Variants in TMEM268 observed in about 807,000 individuals in gnomAD.
TMEM268 encodes transmembrane protein C9orf91.
Under a neutral mutation model 39.1 loss-of-function variants are expected in TMEM268, and 24 were observed. The ratio of observed to expected loss-of-function variants is 0.61; its 90% CI spans 0.44 to 0.86. The LOEUF is 0.86. Ranked by LOEUF, TMEM268 falls within the 40% of genes least tolerant of loss-of-function variation. The pLI, the probability that TMEM268 is intolerant of heterozygous loss-of-function variation, is 0.00. For synonymous variants in TMEM268, 176 were observed against 173.5 expected (o/e 1.01, Z -0.12); for missense variants, 409 against 428.6 (o/e 0.95, Z 0.40).
chr9:114,622,649 ATGC>A (rs542505754), intron 2 of TMEM268: 293 of 254,742 alleles, frequency 1.2e-3, no homozygotes, highest in Middle Eastern at 6.1e-3. Context: ...GCCTGGGTTG[ATGC>A]GTGTTTTTTG....
At chr9:114,633,967 A>C in intron 6 of TMEM268, 89 bp downstream of exon 6, 1 of 704,710 alleles carries the variant, frequency 1.4e-6, no homozygotes, top group Non-Finnish European at 2.4e-6. Flanking sequence ...CCCAGCCTAC[A>C]CAGTGTTTGC....
chr9:114,623,144 G>A (rs1490673078), intron 2 of TMEM268, among the ~76,000 whole-genome samples: 1 of 151,974 alleles, frequency 6.6e-6, no homozygotes, highest in East Asian at 1.9e-4. Context: ...CCACAGATTT[G>A]TTATTTATTT....
intron 2 of TMEM268, among the ~76,000 whole-genome samples, chr9:114,621,271 G>T (rs1301057403): frequency 6.6e-6 from 1 of 151,870 alleles, no homozygotes; most frequent in East Asian, 1.9e-4. Context: ...CTTGAGCCTT[G>T]GGAGGTGGAG....
chr9:114,617,558 T>A (rs1049400145), intron 2 of TMEM268, among the ~76,000 whole-genome samples: 1 of 152,108 alleles, frequency 6.6e-6, no homozygotes, highest in East Asian at 1.9e-4. Flanking sequence ...TTATTATTTA[T>A]TTATATTTCT....
chr9:114,617,626 A>G (rs1845782701), intron 2 of TMEM268, among the ~76,000 whole-genome samples: 2 of 152,196 alleles, frequency 1.3e-5, no homozygotes, highest in Admixed American at 1.3e-4. Context: ...GCTGGAGTGC[A>G]GTGGCGTGAT....
At chr9:114,631,693 C>A (rs1846405299) in intron 5 of TMEM268, among the ~76,000 whole-genome samples, 1 of 152,166 alleles carries the variant, frequency 6.6e-6, no homozygotes, top group Non-Finnish European at 1.5e-5. Context: ...AAATCCAAAT[C>A]CACATCCAAA....
intron 5 of TMEM268, 134 bp downstream of exon 5, chr9:114,628,384 G>A (rs1238394147): frequency 3.2e-6 from 3 of 925,318 alleles, no homozygotes; most frequent in Non-Finnish European, 4.9e-6. Context: ...TAAGCCCAGT[G>A]ACTAAAAGAA....
intron 5 of TMEM268, among the ~76,000 whole-genome samples, chr9:114,632,808 A>C (rs1846458458): frequency 6.6e-6 from 1 of 152,186 alleles, no homozygotes; most frequent in African/African-American, 2.4e-5. Context: ...AATCTCAGTG[A>C]AATCTCACTC....
At chr9:114,616,282 T>C (rs1394335653) in intron 1 of TMEM268, among the ~76,000 whole-genome samples, 11 of 152,156 alleles carry the variant, frequency 7.2e-5, no homozygotes, top group Non-Finnish European at 1.3e-4. Context: ...CCCAAAGTGC[T>C]GGGATTACAG....
At chr9:114,633,913 C>G (rs780979800) in intron 6 of TMEM268, 35 bp downstream of exon 6, 3 of 1,293,034 alleles carry the variant, frequency 2.3e-6, no homozygotes, top group Non-Finnish European at 3.3e-6. Context: ...TCCTGATGGC[C>G]CAGTTTTATG....
upstream of TMEM268, among the ~76,000 whole-genome samples, chr9:114,609,375 C>A (rs1315657812): frequency 6.6e-6 from 1 of 151,450 alleles, no homozygotes; most frequent in African/African-American, 2.4e-5. Context: ...AGCACATCTA[C>A]TTATAGAAAT....
intron 3 of TMEM268, 120 bp downstream of exon 3, chr9:114,624,579 A>G (rs879214824): frequency 7.0e-7 from 1 of 1,419,328 alleles, no homozygotes; most frequent in Non-Finnish European, 9.3e-7. Context: ...GTCGTAGGGT[A>G]TATAAGGAAG....
At position 114,628,155 on chromosome 9, in the gene TMEM268, T is replaced by C; in HGVS notation, c.379T>C (p.Leu127=). The C allele has an allele frequency of 6.8e-6, 11 of 1,614,182 alleles. No homozygotes were observed. The highest frequency in any genetic ancestry group is 9.3e-6 in the Non-Finnish European group (11 of 1,180,010). The change falls in exon 5 of 9, where the codon TTG becomes CTG. Residue 127 remains leucine (L), a synonymous_variant. Transcript: ENST00000288502. ...NIYSTSQMFA[L]GNHWAGMLLV... Reference sequence around the variant, plus strand: ...CTACTCTACCAGTCAGATGTTTGCCTTGGGGAACCACTGGGCTGGCATGCT... The same window carrying C: ...CTACTCTACCAGTCAGATGTTTGCCCTGGGGAACCACTGGGCTGGCATGCT...
chr9:114,610,214 T>A (rs554906085), upstream of TMEM268, among the ~76,000 whole-genome samples: 205 of 152,290 alleles, frequency 1.3e-3, no homozygotes, highest in African/African-American at 4.9e-3. Context: ...TAATTTTGTA[T>A]TTTTAGTAGA....
Position 114,628,365 on chromosome 9 carries a change from A to G in TMEM268, c.474+115A>G, listed in dbSNP as rs1448134546. 2.6e-6 allele frequency: 3 copies of G among 1,173,102 alleles called. No individual in the cohort carries two copies. The East Asian group carries it at 7.3e-5, about 28-fold the overall frequency. 72.7% of individuals were successfully genotyped at this position (1,173,102 alleles called of 1,614,324 possible). ...AATTTCCCTGGCCATGAAAATTCAC[A>G]CTAGCCCGTAAGCCCAGTGACTAAA... On this transcript the variant is annotated intron_variant, in intron 5 of 8. Coordinates refer to ENST00000288502, the MANE Select transcript of TMEM268 (RefSeq NM_153045.4).
At chr9:114,630,261 G>A (rs1846335719) in intron 5 of TMEM268, among the ~76,000 whole-genome samples, 1 of 130,270 alleles carries the variant, frequency 7.7e-6, no homozygotes, top group Non-Finnish European at 1.7e-5. Context: ...TGAATTTACT[G>A]TTCCAACAAT....
At chr9:114,611,175 G>C (rs568397162), upstream of TMEM268, 22 of 152,442 alleles carry the variant, frequency 1.4e-4, no homozygotes, top group African/African-American at 4.8e-4. Context: ...CTGGACCTCT[G>C]GAGTAAGCCG....
chr9:114,631,798 A>T (rs1308969422), intron 5 of TMEM268, among the ~76,000 whole-genome samples: 3 of 152,096 alleles, frequency 2.0e-5, no homozygotes, highest in Non-Finnish European at 4.4e-5. Flanking sequence ...CATTAAACTC[A>T]TGCAAACAAT....
intron 5 of TMEM268, among the ~76,000 whole-genome samples, chr9:114,631,412 A>G (rs186160922): frequency 9.8e-5 from 15 of 152,332 alleles, no homozygotes; most frequent in African/African-American, 3.1e-4. Flanking sequence ...CAGTGAAAAC[A>G]CAATGATTTA....
Sources: gnomAD v4.1 joint callset for allele counts (sites outside exome capture counted in the v4.1 genomes callset) on GRCh38, gnomAD v4.1.1 for gene constraint, MANE v1.5 for transcripts, NCBI Gene and HGNC (gene_info 2026-07-23, HGNC 2026-07-21) for gene names.